Variants in GUCY1A2 observed in about 807,000 individuals in gnomAD.
GUCY1A2 encodes guanylate cyclase 1 soluble subunit alpha 2.
A neutral mutation model predicts 63.5 loss-of-function variants in GUCY1A2; 27 were observed. The observed-to-expected ratio is 0.43, with a 90% CI of 0.31 to 0.59. GUCY1A2 has a LOEUF of 0.59. Ranked by LOEUF, GUCY1A2 falls within the 20% of genes least tolerant of loss-of-function variation. The pLI is 0.11. For synonymous variants in GUCY1A2, 364 were observed against 343.5 expected (o/e 1.06, Z -0.66); for missense variants, 768 against 913.3 (o/e 0.84, Z 2.05).
intron 3 of GUCY1A2, among the ~76,000 whole-genome samples, chr11:106,975,905 A>G (rs994853994): frequency 2.0e-5 from 3 of 152,016 alleles, no homozygotes; most frequent in African/African-American, 7.2e-5. Flanking sequence ...ATTCCATGCC[A>G]CCCTCTAAAT....
At chr11:106,875,748 T>C (rs967494658) in intron 4 of GUCY1A2, among the ~76,000 whole-genome samples, 2 of 152,042 alleles carry the variant, frequency 1.3e-5, no homozygotes, top group Non-Finnish European at 2.9e-5. Flanking sequence ...AGGGCAAAAT[T>C]CATGTATTGC....
intron 4 of GUCY1A2, among the ~76,000 whole-genome samples, chr11:106,916,954 A>C (rs901798035): frequency 1.4e-5 from 2 of 146,116 alleles, no homozygotes; most frequent in African/African-American, 4.9e-5. Flanking sequence ...TTTAATGAGA[A>C]TCTATTATGT....
chr11:106,978,872 G>A, intron 2 of GUCY1A2, 132 bp from the exon 3 acceptor site: 2 of 616,340 alleles, frequency 3.2e-6, no homozygotes, highest in East Asian at 2.9e-5. Flanking sequence ...GTGAAGCTTT[G>A]AGACATAATT....
chr11:106,843,279 A>G (rs1859225345), intron 4 of GUCY1A2, among the ~76,000 whole-genome samples: 1 of 151,946 alleles, frequency 6.6e-6, no homozygotes, highest in Admixed American at 6.6e-5. Context: ...TTGGGGACTC[A>G]GGGGAAAGGA....
chr11:106,714,046 T>A (rs1863174279), intron 6 of GUCY1A2, among the ~76,000 whole-genome samples: 1 of 151,308 alleles, frequency 6.6e-6, no homozygotes, highest in African/African-American at 2.4e-5. Context: ...ACAAACTCCA[T>A]ACTCCATACC....
intron 4 of GUCY1A2, among the ~76,000 whole-genome samples, chr11:106,925,024 CA>C (rs953443414): frequency 3.9e-5 from 6 of 151,930 alleles, no homozygotes; most frequent in Admixed American, 3.9e-4. Context: ...CAAAACAAAA[CA>C]AAACCATGTA....
Position 106,860,636 on chromosome 11 carries a change from C to T in GUCY1A2, c.1207-50158G>A, listed in dbSNP as rs74777104. On this transcript the variant is annotated intron_variant, in intron 4 of 7. Coordinates refer to ENST00000526355, the MANE Select transcript of GUCY1A2 (RefSeq NM_000855.3). ...GTGAGAGCATAATGAATTCTTTTTACGTGCCTGGTGACCCAGATTTTGTGG... is the reference window on the plus strand; with the variant it reads ...GTGAGAGCATAATGAATTCTTTTTATGTGCCTGGTGACCCAGATTTTGTGG... 1.4e-3 allele frequency among the ~76,000 whole-genome samples: 206 copies of T among 152,030 alleles called. No individual in the cohort carries two copies. The East Asian group carries it at 0.033, about 24-fold the overall frequency.
chr11:106,899,697 C>A (rs1228726750), intron 4 of GUCY1A2, among the ~76,000 whole-genome samples: 3 of 152,100 alleles, frequency 2.0e-5, no homozygotes, highest in African/African-American at 2.4e-5. Context: ...ATCTGATGAA[C>A]CTTCATCCCA....
At chr11:106,898,630 A>T (rs561647748) in intron 4 of GUCY1A2, among the ~76,000 whole-genome samples, 1 of 152,204 alleles carries the variant, frequency 6.6e-6, no homozygotes, top group Non-Finnish European at 1.5e-5. Context: ...GTCCAACTAT[A>T]TAACATTCTG....
Position 106,709,472 on chromosome 11 carries a change from A to T in GUCY1A2, c.1837-806T>A, listed in dbSNP as rs1863006711. ...ATATTCTATATTTATAGAATAATAT[A>T]TATTATTATATATTTATATATATAT... is the stretch of plus-strand genomic sequence containing the variant. On this transcript the variant is annotated intron_variant, in intron 6 of 7. Transcript: ENST00000526355. Among the ~76,000 whole-genome samples the T allele has an allele frequency of 4.8e-5, 4 of 83,878 alleles. No homozygotes were observed. In the South Asian group the frequency reaches 1.4e-3, roughly 29 times the overall value. The allele number at this position is 83,878 out of a possible 152,430, so 55.0% of individuals were successfully genotyped here. A position where few individuals can be genotyped will look rare whatever the true frequency, so the allele number is the denominator to read the frequency against.
rs574913178 is a variant in GUCY1A2, at chr11:106,910,404, G to A, written c.1206+29056C>T. Reference sequence around the variant, plus strand: ...TTTATATATATAATAAGTATACTACGCAGCTCTAGGAACATTTTTTTGTAA... The same window carrying A: ...TTTATATATATAATAAGTATACTACACAGCTCTAGGAACATTTTTTTGTAA... On this transcript the variant is annotated intron_variant, in intron 4 of 7. Transcript: ENST00000526355. Among the ~76,000 whole-genome samples the A allele has an allele frequency of 3.3e-4, 50 of 152,024 alleles. No individual in the cohort carries two copies. The South Asian group carries it at 5.8e-3, about 18-fold the overall frequency.
chr11:106,822,218 C>T lies in GUCY1A2; in HGVS notation c.1207-11740G>A, dbSNP rs12574611. Among the ~76,000 whole-genome samples, 1,172 of 152,234 alleles carry T rather than the reference C, an allele frequency of 7.7e-3. 81 individuals carry two copies. The East Asian group carries it at 0.15, about 19-fold the overall frequency. ...TATTTATTTTGCAAATTTTAGGATT[C>T]ATGTAGAAATTCAAGACTTATCTTT... is the stretch of plus-strand genomic sequence containing the variant. On this transcript the variant is annotated intron_variant, in intron 4 of 7. Coordinates refer to ENST00000526355, the MANE Select transcript of GUCY1A2 (RefSeq NM_000855.3).
At chr11:106,963,083 G>A (rs977744653) in intron 3 of GUCY1A2, among the ~76,000 whole-genome samples, 7 of 152,074 alleles carry the variant, frequency 4.6e-5, no homozygotes, top group African/African-American at 9.7e-5. Flanking sequence ...ATGCTATATG[G>A]AGATACAGAA....
chr11:106,730,059 A>AATATATATATATATATATATAT (rs60486225), intron 6 of GUCY1A2, among the ~76,000 whole-genome samples: 62 of 103,342 alleles, frequency 6.0e-4, no homozygotes, highest in Non-Finnish European at 7.8e-4. Context: ...ATCAGCATGG[A>AATATATATATATATATATATAT]ATATATATAT....
intron 6 of GUCY1A2, among the ~76,000 whole-genome samples, chr11:106,727,395 T>G (rs1415586272): frequency 2.0e-5 from 3 of 152,200 alleles, no homozygotes; most frequent in Non-Finnish European, 2.9e-5. Flanking sequence ...TCACTGAATC[T>G]GTCAAACAGA....
In GUCY1A2 at chr11:106,904,767, C is replaced by CAA. The variant is rs543493159; in HGVS notation, c.1206+34691_1206+34692dup. On this transcript the variant is annotated intron_variant, in intron 4 of 7. Coordinates refer to ENST00000526355, the MANE Select transcript of GUCY1A2 (RefSeq NM_000855.3). ...TATATTCAATCTGAGAGTGAGAGCTCAAAAAAAAACAGAGAGGAGAAACAT... is the reference window on the plus strand; with the variant it reads ...TATATTCAATCTGAGAGTGAGAGCTCAAAAAAAAAAACAGAGAGGAGAAACAT... Among the ~76,000 whole-genome samples the CAA allele has an allele frequency of 8.8e-3, 1,287 of 145,482 alleles. 11 individuals carry two copies. The highest frequency in any genetic ancestry group is 0.014 in the Non-Finnish European group (957 of 66,090).
At chr11:106,861,409 T>C (rs961182496) in intron 4 of GUCY1A2, among the ~76,000 whole-genome samples, 1 of 151,984 alleles carries the variant, frequency 6.6e-6, no homozygotes, top group African/African-American at 2.4e-5. Flanking sequence ...TTTTCCCATA[T>C]TGATGTGGAT....
At chr11:106,937,063 A>AAAAAT (rs1860688765) in intron 4 of GUCY1A2, among the ~76,000 whole-genome samples, 1 of 152,120 alleles carries the variant, frequency 6.6e-6, no homozygotes. Flanking sequence ...TCTGGGTAAG[A>AAAAAT]CTGTATGTGA....
At chr11:106,977,436 T>C (rs1861277040) in intron 3 of GUCY1A2, among the ~76,000 whole-genome samples, 1 of 152,228 alleles carries the variant, frequency 6.6e-6, no homozygotes, top group Admixed American at 6.5e-5. Context: ...ATCACTGTCC[T>C]GCATGCTGTT....
Sources: allele counts gnomAD v4.1 joint callset (sites outside exome capture counted in the v4.1 genomes callset), GRCh38; gene constraint gnomAD v4.1.1; transcripts MANE v1.5; gene names NCBI Gene and HGNC (gene_info 2026-07-23, HGNC 2026-07-21).